FBXO31: variants seen among roughly 807,000 people sequenced by gnomAD.
The protein encoded by FBXO31 is F-box only protein 31.
In FBXO31, 24 loss-of-function variants were observed where a neutral mutation model predicts 54.4. That is an observed-to-expected ratio of 0.44 (90% CI 0.32 to 0.62). The LOEUF (loss-of-function observed/expected upper bound fraction) is 0.62, where lower values mean the gene tolerates loss of function less well. FBXO31 is among the 20% of genes least tolerant of loss of function. FBXO31 has a pLI of 0.05. For missense variants in FBXO31, 665 were observed against 787.1 expected, an observed-to-expected ratio of 0.84 and a Z score of 1.86; for synonymous variants, 388 against 335.6, an observed-to-expected ratio of 1.16 and a Z score of -1.71.
intron 8 of FBXO31, among the ~76,000 whole-genome samples, chr16:87,333,230 T>G (rs1192022237): frequency 6.7e-6 from 1 of 150,298 alleles, no homozygotes; most frequent in Non-Finnish European, 1.5e-5. Context: ...GCAAGCCTCG[T>G]CCCATGTCAG....
rs918857823 is a variant in FBXO31, at chr16:87,365,617, C to A, written c.341-5251G>T. On this transcript the variant is annotated intron_variant, in intron 1 of 8. Transcript: ENST00000311635. ...TGCACGGGCTGTGAACATCTCTGCC[C>A]ATGCGGCCCACCATATTCAGCGCTG... 2.0e-4 allele frequency among the ~76,000 whole-genome samples: 31 copies of A among 152,224 alleles called. 1 individual carries two copies. Among genetic ancestry groups the A allele is most frequent in the Admixed American group, 7.9e-4 (12 of 15,286 alleles).
intron 1 of FBXO31, among the ~76,000 whole-genome samples, chr16:87,376,140 C>T (rs1906814865): frequency 6.6e-6 from 1 of 152,180 alleles, no homozygotes; most frequent in Non-Finnish European, 1.5e-5. Flanking sequence ...ACACGCAAGC[C>T]TCACCCACAT....
At chr16:87,369,363 G>A (rs1365791541) in intron 1 of FBXO31, among the ~76,000 whole-genome samples, 1 of 151,980 alleles carries the variant, frequency 6.6e-6, no homozygotes, top group East Asian at 1.9e-4. Context: ...CCCCGTCCTC[G>A]GCACCCACCA....
Position 87,362,379 on chromosome 16 carries a change from T to C in FBXO31, c.341-2013A>G, listed in dbSNP as rs536414838. On this transcript the variant is annotated intron_variant, in intron 1 of 8. Transcript: ENST00000311635. ...GTAGTGGCTACAGGTAAAACATACA[T>C]ACATACATACATTTATTTATTTAGA... Among the ~76,000 whole-genome samples, 4 of 151,966 alleles carry C rather than the reference T, an allele frequency of 2.6e-5. No individual in the cohort carries two copies. The South Asian group carries it at 8.3e-4, about 32-fold the overall frequency.
Position 87,334,120 on chromosome 16 carries a change from G to A in FBXO31, c.1163C>T (p.Ala388Val), listed in dbSNP as rs2150668286. ...GCCCTGCCGGCCACGACCCTCGCCC[G>A]CCTCGTGCCCGCCTTCCTGCTGCTC... is the stretch of plus-strand genomic sequence containing the variant. ...RQEQQEGGHEAGEGRGRQGPR... is the reference protein window; with the variant it reads ...RQEQQEGGHEVGEGRGRQGPR... The change falls in exon 8 of 9, where the codon GCG becomes GTG. Residue 388 changes from alanine (A) to valine (V), a missense_variant. Around this residue, in one of 4 missense-constraint regions of FBXO31, gnomAD observed 165 missense variants for 159.7 expected, o/e 1.03. Transcript: ENST00000311635. The A allele has an allele frequency of 5.0e-6, 8 of 1,611,044 alleles. No homozygotes were observed. Among genetic ancestry groups the A allele is most frequent in the East Asian group, 2.2e-5 (1 of 44,806 alleles).
chr16:87,336,263 T>G lies in FBXO31; in HGVS notation c.734A>C (p.Glu245Ala). ...HHRMSGGRQE[E>A]FRTWLREEWG... ...TTCCTCCCTCAGCCACGTCCGAAAC[T>G]CCTTCCAAAAGAACACAGGTCATGA... Residue 245 changes from glutamate to alanine, a missense_variant and splice_region_variant, in exon 6 of 9, where the codon GAG becomes GCG. By Grantham distance (107) the Glu-to-Ala change is moderately radical (BLOSUM62 -1). This residue lies in a region of FBXO31 where 234 missense variants were observed against 346.8 expected (regional missense o/e 0.67). Coordinates refer to ENST00000311635, the MANE Select transcript of FBXO31 (RefSeq NM_024735.5). This position sits in a 1 kb window ranked among gnomAD's most constrained non-coding sequence, Gnocchi z 6.5. The G allele has an allele frequency of 1.2e-6, 2 of 1,613,864 alleles. No individual in the cohort carries two copies. The highest frequency in any genetic ancestry group is 1.3e-5 in the African/African-American group (1 of 75,004).
chr16:87,338,870 T>C lies in FBXO31; in HGVS notation c.733-2606A>G, dbSNP rs1367450280. 1.3e-5 allele frequency among the ~76,000 whole-genome samples: 2 copies of C among 152,098 alleles called. No individual in the cohort carries two copies. Among genetic ancestry groups the C allele is most frequent in the Non-Finnish European group, 2.9e-5 (2 of 68,006 alleles). On this transcript the variant is annotated intron_variant, in intron 5 of 8. Transcript: ENST00000311635. This position sits in a 1 kb window ranked among gnomAD's most constrained non-coding sequence, Gnocchi z 4.3. Reference sequence around the variant, plus strand: ...TGTAGCTCTTCCAATTCCCATGTCATGGGAGGGACCCCAGGAGGTAACTGA... The same window carrying C: ...TGTAGCTCTTCCAATTCCCATGTCACGGGAGGGACCCCAGGAGGTAACTGA...
chr16:87,370,698 C>T (rs1906565480), intron 1 of FBXO31, among the ~76,000 whole-genome samples: 1 of 152,208 alleles, frequency 6.6e-6, no homozygotes, highest in South Asian at 2.1e-4. Context: ...TGCTGGGTCT[C>T]AGCCTCCCTG....
chr16:87,361,541 G>A (rs768102218), intron 1 of FBXO31, among the ~76,000 whole-genome samples: 2 of 152,202 alleles, frequency 1.3e-5, no homozygotes, highest in Non-Finnish European at 2.9e-5. Flanking sequence ...CCGAGGCCCA[G>A]TGAAGTTGAT....
intron 5 of FBXO31, among the ~76,000 whole-genome samples, chr16:87,337,695 C>T (rs192867408): frequency 1.1e-3 from 147 of 137,468 alleles, no homozygotes; most frequent in African/African-American, 3.2e-3. Flanking sequence ...CAAGGTGCTC[C>T]GTCAGTTGGG....
chr16:87,390,360 T>A (rs1038008268), upstream of FBXO31, among the ~76,000 whole-genome samples: 35 of 152,168 alleles, frequency 2.3e-4, no homozygotes, highest in African/African-American at 8.0e-4. Context: ...GGGAGTAAAT[T>A]AATTATACAA....
rs774094773 is a variant in FBXO31 at position 87,335,287 on chromosome 16, G to A, written c.996+17C>T. On this transcript the variant is annotated intron_variant, in intron 7 of 8. Transcript: ENST00000311635. This position sits in a 1 kb window ranked among gnomAD's most constrained non-coding sequence, Gnocchi z 5.7. Reference sequence around the variant, plus strand: ...GGTGCCCCCAGAGCCCCACCAACCAGGTCAGCCGCCACTCACCGTGATCTT... The same window carrying A: ...GGTGCCCCCAGAGCCCCACCAACCAAGTCAGCCGCCACTCACCGTGATCTT... 1.9e-6 allele frequency: 3 copies of A among 1,612,302 alleles called. No homozygotes were observed. The highest frequency in any genetic ancestry group is 2.2e-5 in the South Asian group (2 of 91,056).
At chr16:87,372,731 C>T (rs917634591) in intron 1 of FBXO31, among the ~76,000 whole-genome samples, 11 of 146,642 alleles carry the variant, frequency 7.5e-5, no homozygotes, top group Admixed American at 2.7e-4. Context: ...TGGTTAATTT[C>T]CTTTTTTTTT....
chr16:87,347,098 G>C (rs1223583947), intron 3 of FBXO31, 76 bp downstream of exon 3: 45 of 1,284,424 alleles, frequency 3.5e-5, no homozygotes, highest in Non-Finnish European at 4.4e-5. Flanking sequence ...CCAGGTAGAA[G>C]AGGCCCTCAA....
upstream of FBXO31, among the ~76,000 whole-genome samples, chr16:87,388,135 C>T (rs1300118163): frequency 1.3e-5 from 2 of 152,226 alleles, no homozygotes; most frequent in Non-Finnish European, 2.9e-5. Flanking sequence ...GTTACACACT[C>T]ATTTAGGAAA....
intron 1 of FBXO31, among the ~76,000 whole-genome samples, chr16:87,382,661 G>A (rs1016962345): frequency 1.4e-4 from 22 of 152,044 alleles, no homozygotes; most frequent in African/African-American, 5.3e-4. Flanking sequence ...AGACCAAGTC[G>A]CACTCTGTCG....
chr16:87,366,243 T>C (rs530493764), intron 1 of FBXO31, among the ~76,000 whole-genome samples: 1 of 152,286 alleles, frequency 6.6e-6, no homozygotes, highest in South Asian at 2.1e-4. Flanking sequence ...ATTGGTTTGT[T>C]AACTGTGACA....
At chr16:87,378,779 G>A (rs1567490019) in intron 1 of FBXO31, among the ~76,000 whole-genome samples, 1 of 152,074 alleles carries the variant, frequency 6.6e-6, no homozygotes, top group African/African-American at 2.4e-5. Context: ...GGCTAACACG[G>A]TGAAACCCCG....
Position 87,338,493 on chromosome 16 carries a change from G to C in FBXO31, c.733-2229C>G, listed in dbSNP as rs561129069. Among the ~76,000 whole-genome samples the C allele has an allele frequency of 2.0e-5, 3 of 152,154 alleles. No individual in the cohort carries two copies. The highest frequency in any genetic ancestry group is 7.2e-5 in the African/African-American group (3 of 41,498). On this transcript the variant is annotated intron_variant, in intron 5 of 8. Transcript: ENST00000311635. The surrounding 1 kb of genome is among the most constrained non-coding windows in gnomAD (Gnocchi z 4.3). ...GGGGAGGCGGGCCTGAAACACACAG[G>C]GGTGGGAAGGGACATGGTGGCTTGC...
Sources: gnomAD v4.1 joint callset for allele counts (sites outside exome capture counted in the v4.1 genomes callset) on GRCh38, gnomAD v4.1.1 for gene constraint, gnomAD v4.1.1 regional missense constraint, Gnocchi (gnomAD v3.1) non-coding constraint, MANE v1.5 for transcripts, NCBI Gene and HGNC (gene_info 2026-07-23, HGNC 2026-07-21) for gene names.